Variants in PARVG observed in about 807,000 individuals in gnomAD.
The protein encoded by PARVG is gamma-parvin.
PARVG carries 36 observed loss-of-function variants against 44.4 expected under a neutral mutation model. That is an observed-to-expected ratio of 0.81 (90% CI 0.62 to 1.07). The LOEUF (loss-of-function observed/expected upper bound fraction) is 1.07, where lower values mean the gene tolerates loss of function less well. Ranked by LOEUF, PARVG falls within the 50% of genes least tolerant of loss-of-function variation. The probability of loss-of-function intolerance (pLI) is 0.00; values close to 1 mark genes in which losing one functional copy is unlikely to be tolerated. For missense variants in PARVG, 407 were observed against 407.4 expected (o/e 1.00, Z 0.01); for synonymous variants, 170 against 174.1 (o/e 0.98, Z 0.19).
At chr22:44,178,043 T>C (rs1198803539), upstream of PARVG, among the ~76,000 whole-genome samples, 1 of 152,188 alleles carries the variant, frequency 6.6e-6, no homozygotes, top group Non-Finnish European at 1.5e-5. Flanking sequence ...ACTTCAGACA[T>C]TGGACATGCC....
In PARVG at chr22:44,183,250, A is replaced by T. The variant is rs2054410892; in HGVS notation, c.-12-68A>T. The T allele has an allele frequency of 2.1e-6, 3 of 1,441,022 alleles. No individual in the cohort carries two copies. In the South Asian group the frequency reaches 3.9e-5, roughly 19 times the overall value. 89.3% of individuals were successfully genotyped at this position (1,441,022 alleles called of 1,614,324 possible). ...TCCTTCTGTGCCTCCAGGTCTAGAG[A>T]AAATGAGGGGCTCAGTGAGTTTGGG... is the stretch of plus-strand genomic sequence containing the variant. On this transcript the variant is annotated intron_variant, in intron 2 of 13. Transcript: ENST00000444313.
At chr22:44,205,618 T>G in intron 12 of PARVG, 139 bp from the exon 13 acceptor site, 1 of 920,206 alleles carries the variant, frequency 1.1e-6, no homozygotes, top group Non-Finnish European at 1.7e-6. Flanking sequence ...GTGGTCGTGG[T>G]CAGGGATGCC....
chr22:44,193,780 C>G, intron 8 of PARVG, 21 bp from the exon 9 acceptor site: 1 of 1,609,326 alleles, frequency 6.2e-7, no homozygotes, highest in Non-Finnish European at 8.5e-7. Flanking sequence ...CATTTGTTTG[C>G]TTTTTCCACC....
At chr22:44,172,952 C>A, upstream of PARVG, 1 of 1,280,048 alleles carries the variant, frequency 7.8e-7, no homozygotes, top group Non-Finnish European at 1.0e-6. Context: ...GGCCTGTCCA[C>A]CGTCTTTGTT....
chr22:44,194,742 C>CCATT (rs1464576893), intron 9 of PARVG, among the ~76,000 whole-genome samples: 1 of 151,870 alleles, frequency 6.6e-6, no homozygotes, highest in African/African-American at 2.4e-5. Context: ...CTCCATCCAT[C>CCATT]CATTCATGCT....
chr22:44,186,729 G>A (rs932714486), intron 4 of PARVG: 15 of 460,142 alleles, frequency 3.3e-5, no homozygotes, highest in South Asian at 1.7e-4. Context: ...TGAGTTGGGA[G>A]GTTATCCCAG....
chr22:44,187,569 T>C (rs1569180370), intron 4 of PARVG: 5 of 606,552 alleles, frequency 8.2e-6, no homozygotes, highest in Non-Finnish European at 1.5e-5. Flanking sequence ...AGGTTTGTGA[T>C]GGAGAGAAGC....
chr22:44,206,662 G>C lies in PARVG; in HGVS notation c.*236G>C, dbSNP rs1311708247. ...AAAGTATTTCTGGGAGGGATTCTGG[G>C]AACTTGACAGGGTCCTGAGGAGGGC... On this transcript the variant is annotated 3_prime_UTR_variant, in exon 14 of 14. Coordinates refer to ENST00000444313, the MANE Select transcript of PARVG (RefSeq NM_022141.7). The C allele has an allele frequency of 3.8e-6, 2 of 528,390 alleles. No individual in the cohort carries two copies. The highest frequency in any genetic ancestry group is 1.9e-5 in the African/African-American group (1 of 51,944). The allele number at this position is 528,390 out of a possible 1,614,324, so 32.7% of individuals were successfully genotyped here.
intron 12 of PARVG, among the ~76,000 whole-genome samples, 155 bp from the exon 13 acceptor site, chr22:44,205,602 C>T (rs955629529): frequency 2.2e-4 from 34 of 152,156 alleles, no homozygotes; most frequent in Admixed American, 9.8e-4. Flanking sequence ...TGGATGACCA[C>T]GGATTGTGGT....
In PARVG at chr22:44,183,170, G is replaced by A. The variant is rs556395463; in HGVS notation, c.-12-148G>A. On this transcript the variant is annotated intron_variant, in intron 2 of 13. Transcript: ENST00000444313. ...TCAAGGGCTCTTTCTCACAGGGCCC[G>A]TACCCCCTGCCTAGGCTGGCATGCT... 25 of 661,242 alleles carry A rather than the reference G, an allele frequency of 3.8e-5. No individual in the cohort carries two copies. The East Asian group carries it at 5.1e-4, about 13-fold the overall frequency. 41.0% of individuals were successfully genotyped at this position (661,242 alleles called of 1,614,324 possible).
chr22:44,198,909 CCCATCCATCCATCTACCCAT>C (rs1569186336), intron 12 of PARVG, among the ~76,000 whole-genome samples, 187 bp downstream of exon 12: 9,014 of 110,690 alleles, frequency 0.081, 1,024 homozygotes, highest in Non-Finnish European at 0.11. Context: ...CATCCATCTA[CCCATCCATCCATCTACCCAT>C]CCATCCATCC....
rs1307737058 is a variant in PARVG, at chr22:44,190,683, C to T, written c.504+17C>T. On this transcript the variant is annotated intron_variant, in intron 7 of 13. Transcript: ENST00000444313. The stretch of plus-strand genomic sequence containing the variant: ...ACTATCGAGGTAGCAGCCTGGGCCC[C>T]AGGGATTTGTAAGCAGAAGCTGAGC... 6.3e-7 allele frequency: 1 copy of T among 1,588,116 alleles called. No homozygotes were observed. The highest frequency in any genetic ancestry group is 1.7e-5 in the Admixed American group (1 of 59,956).
rs755845461 is a variant in PARVG, at chr22:44,190,555, C to A, written c.393C>A (p.Ile131=). ...CTGTCTCCACTCTCTTCCCAGGCAT[C>A]TTCAACAAGGACCTGTTGTCTACCC... ...EWQAKWSVES[I]FNKDLLSTLH... The change falls in exon 7 of 14, where the codon ATC becomes ATA. Residue 131 remains isoleucine (I), a synonymous_variant. Coordinates refer to ENST00000444313, the MANE Select transcript of PARVG (RefSeq NM_022141.7). The A allele has an allele frequency of 4.3e-6, 7 of 1,613,858 alleles. No homozygotes were observed. The highest frequency in any genetic ancestry group is 5.9e-6 in the Non-Finnish European group (7 of 1,179,806).
chr22:44,193,331 C>T (rs1195785173), intron 8 of PARVG, among the ~76,000 whole-genome samples: 1 of 152,106 alleles, frequency 6.6e-6, no homozygotes, highest in East Asian at 1.9e-4. Flanking sequence ...ACTTCCAGGA[C>T]AGGCAAAACC....
intron 12 of PARVG, among the ~76,000 whole-genome samples, chr22:44,199,508 T>C (rs1262035454): frequency 1.3e-5 from 2 of 152,200 alleles, no homozygotes; most frequent in Non-Finnish European, 2.9e-5. Flanking sequence ...CTGAACTGCA[T>C]GGGATGTTAA....
At chr22:44,185,204 T>C (rs2054446670) in intron 3 of PARVG, 1 of 152,956 alleles carries the variant, frequency 6.5e-6, no homozygotes, top group Admixed American at 6.5e-5. Context: ...TGAGAGATGA[T>C]GCATTTTGTG....
At chr22:44,176,224 T>A (rs1259011369), upstream of PARVG, among the ~76,000 whole-genome samples, 1 of 152,236 alleles carries the variant, frequency 6.6e-6, no homozygotes, top group East Asian at 1.9e-4. Flanking sequence ...CTCAAGTCCC[T>A]GATATCAAAC....
chr22:44,198,929 T>A (rs1214780340), intron 12 of PARVG, among the ~76,000 whole-genome samples: 1 of 42,384 alleles, frequency 2.4e-5, no homozygotes, highest in Non-Finnish European at 5.1e-5. Flanking sequence ...CATCTACCCA[T>A]CCATCCATCC....
intron 1 of PARVG, among the ~76,000 whole-genome samples, chr22:44,175,448 C>T (rs2054310132): frequency 6.6e-6 from 1 of 152,270 alleles, no homozygotes; most frequent in African/African-American, 2.4e-5. Context: ...ATCTCTGTTC[C>T]TTCCGCAAGG....
Sources: gnomAD v4.1 joint callset for allele counts (sites outside exome capture counted in the v4.1 genomes callset) on GRCh38, gnomAD v4.1.1 for gene constraint, MANE v1.5 for transcripts, NCBI Gene and HGNC (gene_info 2026-07-23, HGNC 2026-07-21) for gene names.